MPG: variants seen among roughly 807,000 people sequenced by gnomAD.
The protein encoded by MPG is N-methylpurine DNA glycosylase, also known as DNA-3-methyladenine glycosylase.
MPG carries 33 observed loss-of-function variants against 31.7 expected under a neutral mutation model. The ratio of observed to expected loss-of-function variants is 1.04; its 90% CI spans 0.79 to 1.39. MPG has a LOEUF of 1.39. Among genes scored for constraint, MPG ranks in the 40% most tolerant of loss-of-function variants. The pLI, the probability that MPG is intolerant of heterozygous loss-of-function variation, is 0.00. For missense variants in MPG, 455 were observed against 415.5 expected (o/e 1.10, Z -0.83); for synonymous variants, 202 against 169.2 (o/e 1.19, Z -1.51).
rs567575063 is a variant in MPG, at chr16:83,409, G to A, written c.505+153G>A. The A allele has an allele frequency of 2.5e-4, 191 of 775,556 alleles. No homozygotes were observed. In the African/African-American group the frequency reaches 2.6e-3, roughly 10 times the overall value. The allele number at this position is 775,556 out of a possible 1,614,324, so 48.0% of individuals were successfully genotyped here. Reference sequence around the variant, plus strand: ...CCAGGGTTTCGGGAGCTCTGGCTACGCTGACGGGGCAGGGCTGGTTAGGTT... The same window carrying A: ...CCAGGGTTTCGGGAGCTCTGGCTACACTGACGGGGCAGGGCTGGTTAGGTT... On this transcript the variant is annotated intron_variant, in intron 3 of 3. Coordinates refer to ENST00000356432, the MANE Select transcript of MPG (RefSeq NM_001015052.3).
chr16:83,284 G>A, intron 3 of MPG, 28 bp downstream of exon 3: 2 of 1,595,134 alleles, frequency 1.3e-6, no homozygotes, highest in Non-Finnish European at 1.7e-6. Context: ...ACGGGGGGTT[G>A]GAGGGCCGGC....
At position 79,540 on chromosome 16, in the gene MPG, C is replaced by T. The variant is rs778585555; in HGVS notation, c.140C>T (p.Ala47Val). The T allele has an allele frequency of 1.2e-6, 2 of 1,613,066 alleles. No individual in the cohort carries two copies. The highest frequency in any genetic ancestry group is 1.1e-5 in the South Asian group (1 of 91,086). Residue 47 changes from alanine to valine, a missense_variant, in exon 2 of 4, where the codon GCC becomes GTC. Transcript: ENST00000356432. ...AEQPHSSSDAAQAPCPRERCL... is the reference protein window; with the variant it reads ...AEQPHSSSDAVQAPCPRERCL... ...CAGCCACACAGCTCGTCCGATGCAGCCCAGGCACCTTGCCCCAGGGAGCGC... is the reference window on the plus strand; with the variant it reads ...CAGCCACACAGCTCGTCCGATGCAGTCCAGGCACCTTGCCCCAGGGAGCGC...
At chr16:83,004 G>A (rs1448493159) in intron 2 of MPG, 48 bp from the exon 3 acceptor site, 3 of 1,500,318 alleles carry the variant, frequency 2.0e-6, no homozygotes, top group Non-Finnish European at 2.7e-6. Context: ...GTTAGGGTGA[G>A]TGGACCCCCA....
rs1273043460 is a variant in MPG at position 79,556 on chromosome 16, C to A, written c.156C>A (p.Pro52=). Residue 52 remains proline, a synonymous_variant, in exon 2 of 4, where the codon CCC becomes CCA. Transcript: ENST00000356432. ...CCGATGCAGCCCAGGCACCTTGCCC[C>A]AGGGAGCGCTGCTTGGGACCGCCCA... is the stretch of plus-strand genomic sequence containing the variant. ...SSSDAAQAPC[P]RERCLGPPTT... The A allele has an allele frequency of 1.2e-6, 2 of 1,612,732 alleles. No individual in the cohort carries two copies. The highest frequency in any genetic ancestry group is 1.7e-5 in the Admixed American group (1 of 59,960).
In MPG at chr16:85,685, G is replaced by A. The variant is rs778997276; in HGVS notation, c.790G>A (p.Glu264Lys). ...CCGGGTGGGCGTCGGCCATGCAGGG[G>A]AGTGGGCCCGGAAACCCCTCCGCTT... ...AARVGVGHAG[E>K]WARKPLRFYV... The change falls in exon 4 of 4, where the codon GAG (glutamate) becomes AAG (lysine). Residue 264 changes from glutamate (E) to lysine (K), a missense_variant. Coordinates refer to ENST00000356432, the MANE Select transcript of MPG (RefSeq NM_001015052.3). 1.3e-6 allele frequency: 2 copies of A among 1,557,360 alleles called. No individual in the cohort carries two copies. Among genetic ancestry groups the A allele is most frequent in the Non-Finnish European group, 1.7e-6 (2 of 1,148,830 alleles).
At chr16:83,431 G>A in intron 3 of MPG, 175 bp downstream of exon 3, 1 of 668,132 alleles carries the variant, frequency 1.5e-6, no homozygotes, top group Non-Finnish European at 2.5e-6. Flanking sequence ...GGGCTGGTTA[G>A]GTTAAAGGGG....
intron 1 of MPG, 106 bp downstream of exon 1, chr16:78,439 A>C: frequency 1.0e-6 from 1 of 997,422 alleles, no homozygotes; most frequent in Non-Finnish European, 1.3e-6. Flanking sequence ...CGTAGCGCCC[A>C]CCGCCCCGAG....
In MPG at chr16:83,920, G is replaced by A. The variant is rs943922766; in HGVS notation, c.505+664G>A. 2.0e-5 allele frequency among the ~76,000 whole-genome samples: 3 copies of A among 152,136 alleles called. No homozygotes were observed. The South Asian group carries it at 6.2e-4, about 32-fold the overall frequency. ...TGGTCAGGTTGCCAAGGATGGAGCA[G>A]TGGGCACAGCAGGGGGACTTAGGGT... On this transcript the variant is annotated intron_variant, in intron 3 of 3. Coordinates refer to ENST00000356432, the MANE Select transcript of MPG (RefSeq NM_001015052.3).
intron 3 of MPG, among the ~76,000 whole-genome samples, chr16:84,073 G>T (rs919154013): frequency 6.6e-6 from 1 of 152,142 alleles, no homozygotes; most frequent in Non-Finnish European, 1.5e-5. Context: ...GTGGTGATGA[G>T]GGCGGCCAGG....
In MPG at chr16:85,744, C is replaced by T. The variant is rs555308385; in HGVS notation, c.849C>T (p.Val283=). 16 of 1,514,110 alleles carry T rather than the reference C, an allele frequency of 1.1e-5. No homozygotes were observed. The highest frequency in any genetic ancestry group is 1.8e-4 in the Middle Eastern group (1 of 5,550). The allele number at this position is 1,514,110 out of a possible 1,614,324, so 93.8% of individuals were successfully genotyped here. A position where few individuals can be genotyped will look rare whatever the true frequency, so the allele number is the denominator to read the frequency against. ...GGGGCAGCCCCTGGGTCAGTGTGGT[C>T]GACAGAGTGGCTGAGCAGGACACAC... ...YVRGSPWVSV[V]DRVAEQDTQA The change falls in exon 4 of 4, where the codon GTC becomes GTT. Residue 283 remains valine, a synonymous_variant. Transcript: ENST00000356432.
Position 78,277 on chromosome 16 carries a change from C to T in MPG, c.-33C>T. The T allele has an allele frequency of 7.3e-7, 1 of 1,370,020 alleles. No individual in the cohort carries two copies. The highest frequency in any genetic ancestry group is 1.6e-5 in the South Asian group (1 of 64,476). 84.9% of individuals were successfully genotyped at this position (1,370,020 alleles called of 1,614,324 possible). On this transcript the variant is annotated 5_prime_UTR_variant, in exon 1 of 4. Transcript: ENST00000356432. ...GGCTGCTGGGCTCCGCGCCGGGGTC[C>T]GAGTCCCACGAAGCCCCGGCCCGAG...
intron 3 of MPG, 192 bp downstream of exon 3, chr16:83,448 G>C (rs577976419): frequency 5.1e-6 from 3 of 583,800 alleles, no homozygotes; most frequent in Non-Finnish European, 8.9e-6. Flanking sequence ...GGGGTAGAAA[G>C]GGCCGGGTGG....
chr16:83,971 G>A (rs1021858740), intron 3 of MPG, among the ~76,000 whole-genome samples: 2 of 152,158 alleles, frequency 1.3e-5, no homozygotes, highest in Non-Finnish European at 2.9e-5. Flanking sequence ...TGAGGAAAGG[G>A]AGGTTTGGCA....
At chr16:81,554 T>G (rs200248749) in intron 2 of MPG, among the ~76,000 whole-genome samples, 1 of 3,026 alleles carries the variant, frequency 3.3e-4, no homozygotes, top group African/African-American at 9.6e-4. Flanking sequence ...TAAGGATTTC[T>G]GGGCTTCCCG....
chr16:80,834 C>T (rs1370785065), intron 2 of MPG, among the ~76,000 whole-genome samples: 8 of 152,128 alleles, frequency 5.3e-5, no homozygotes, highest in Admixed American at 5.2e-4. Context: ...ATACAATGGG[C>T]ATTTGTGATA....
chr16:77,730 C>T (rs550686622), upstream of MPG, among the ~76,000 whole-genome samples: 47 of 152,320 alleles, frequency 3.1e-4, 1 homozygote, highest in East Asian at 8.9e-3. Context: ...GCGTCCACTT[C>T]CTGGATAAGG....
At position 79,651 on chromosome 16, in the gene MPG, A is replaced by C; in HGVS notation, c.251A>C (p.Glu84Ala). 6.3e-7 allele frequency: 1 copy of C among 1,575,156 alleles called. No individual in the cohort carries two copies. The highest frequency in any genetic ancestry group is 2.3e-5 in the East Asian group (1 of 42,720). The change falls in exon 2 of 4, where the codon GAG becomes GCG. Residue 84 changes from glutamate to alanine, a missense_variant. Transcript: ENST00000356432. ...GGCCACCTTACCCGACTGGGGTTGG[A>C]GTTCTTCGACCAGCCGGCAGTCCCC... is the stretch of plus-strand genomic sequence containing the variant. ...PKGHLTRLGLEFFDQPAVPLA... is the reference protein window; with the variant it reads ...PKGHLTRLGLAFFDQPAVPLA...
intron 2 of MPG, 37 bp downstream of exon 2, chr16:79,737 G>A (rs1898191889): frequency 2.0e-6 from 3 of 1,524,728 alleles, no homozygotes; most frequent in South Asian, 1.2e-5. Context: ...CTCCTGAAGT[G>A]CCTGTCACTG....
upstream of MPG, chr16:78,137 C>T: frequency 2.3e-6 from 1 of 431,292 alleles, no homozygotes; most frequent in Non-Finnish European, 3.7e-6. Flanking sequence ...GTGGCCCGCC[C>T]CGCCCCGGGG....
Sources: allele counts gnomAD v4.1 joint callset (sites outside exome capture counted in the v4.1 genomes callset), GRCh38; gene constraint gnomAD v4.1.1; transcripts MANE v1.5; gene names NCBI Gene and HGNC (gene_info 2026-07-23, HGNC 2026-07-21).